Variants in EYS observed in about 807,000 individuals in gnomAD.
EYS encodes EGF-like photoreceptor maintenance factor, also known as protein eyes shut homolog.
A neutral mutation model predicts 282.1 loss-of-function variants in EYS; 250 were observed. That is an observed-to-expected ratio of 0.89 (90% CI 0.80 to 0.98). The LOEUF (loss-of-function observed/expected upper bound fraction) is 0.98. Among genes scored for constraint, EYS ranks in the 50% least tolerant of loss-of-function variants. The probability of loss-of-function intolerance (pLI) is 0.00; values close to 1 mark genes in which losing one functional copy is unlikely to be tolerated. For synonymous variants in EYS, 1,355 were observed against 1,282.9 expected (o/e 1.06, Z -1.20); for missense variants, 4,016 against 3,709.0 (o/e 1.08, Z -2.15).
chr6:64,548,620 T>A (rs1051638978), intron 26 of EYS, among the ~76,000 whole-genome samples: 72 of 151,976 alleles, frequency 4.7e-4, no homozygotes, highest in African/African-American at 1.6e-3. Context: ...TAGGTGGGAA[T>A]TGAACAATGA....
At chr6:65,046,226 A>C (rs1046003595) in intron 13 of EYS, among the ~76,000 whole-genome samples, 2 of 151,894 alleles carry the variant, frequency 1.3e-5, no homozygotes, top group African/African-American at 4.8e-5. Context: ...TTGAAGACTG[A>C]TGTCAAGAAA....
chr6:64,826,444 C>T (rs1280785133), intron 19 of EYS, among the ~76,000 whole-genome samples: 2 of 151,558 alleles, frequency 1.3e-5, no homozygotes, highest in African/African-American at 4.8e-5. Flanking sequence ...TGGAAGGTTA[C>T]CTGTGATATT....
chr6:64,284,713 T>C (rs1768433752), intron 30 of EYS, among the ~76,000 whole-genome samples: 1 of 152,040 alleles, frequency 6.6e-6, no homozygotes, highest in Non-Finnish European at 1.5e-5. Context: ...TAGGCAGAGG[T>C]TCCCAAACCC....
chr6:64,100,796 G>C (rs1772799241), intron 31 of EYS, among the ~76,000 whole-genome samples: 1 of 152,110 alleles, frequency 6.6e-6, no homozygotes, highest in Non-Finnish European at 1.5e-5. Context: ...GGTAGGGGGT[G>C]GTTACTTACC....
chr6:63,721,899 A>G (rs1244235055), intron 42 of EYS, 102 bp from the exon 43 acceptor site: 3 of 1,034,106 alleles, frequency 2.9e-6, no homozygotes, highest in Non-Finnish European at 4.1e-6. Context: ...GTTATGGGGA[A>G]AAAAGTAACA....
intron 30 of EYS, among the ~76,000 whole-genome samples, chr6:64,261,855 C>G (rs1002135717): frequency 3.3e-5 from 5 of 151,566 alleles, no homozygotes; most frequent in African/African-American, 1.2e-4. Context: ...TTCCCAGGGT[C>G]AAGGGCTCCT....
intron 35 of EYS, among the ~76,000 whole-genome samples, chr6:63,966,610 G>A (rs899839341): frequency 2.0e-5 from 3 of 152,194 alleles, no homozygotes; most frequent in African/African-American, 7.2e-5. Flanking sequence ...ATACAGCAGA[G>A]GCTAAGCTGA....
chr6:65,636,728 T>C (rs918126475), intron 2 of EYS, among the ~76,000 whole-genome samples: 3 of 152,224 alleles, frequency 2.0e-5, no homozygotes, highest in Non-Finnish European at 4.4e-5. Flanking sequence ...TTATGTACTA[T>C]AATATACACT....
At chr6:64,654,437 C>T (rs1332150010) in intron 22 of EYS, among the ~76,000 whole-genome samples, 1 of 152,064 alleles carries the variant, frequency 6.6e-6, no homozygotes, top group East Asian at 1.9e-4. Flanking sequence ...TATGGTTAGT[C>T]TTATAATGGG....
At chr6:65,336,086 A>G (rs1380835612) in intron 10 of EYS, among the ~76,000 whole-genome samples, 1 of 151,704 alleles carries the variant, frequency 6.6e-6, no homozygotes, top group Non-Finnish European at 1.5e-5. Context: ...AAGTTTTCTC[A>G]GGCCTCCCAG....
chr6:64,572,269 C>T (rs1582907992), intron 26 of EYS, among the ~76,000 whole-genome samples: 2 of 152,164 alleles, frequency 1.3e-5, no homozygotes, highest in South Asian at 2.1e-4. Context: ...ATTGATGGAA[C>T]GTATCTCAAA....
intron 22 of EYS, among the ~76,000 whole-genome samples, chr6:64,757,355 G>A (rs1772975478): frequency 6.6e-6 from 1 of 152,030 alleles, no homozygotes; most frequent in Non-Finnish European, 1.5e-5. Flanking sequence ...AACTCTTAGT[G>A]CACTGCCTTG....
intron 33 of EYS, among the ~76,000 whole-genome samples, chr6:64,056,509 T>C (rs1453280226): frequency 6.6e-6 from 1 of 152,190 alleles, no homozygotes; most frequent in Non-Finnish European, 1.5e-5. Context: ...TCTAAGAGGC[T>C]ACACCAAACT....
intron 2 of EYS, among the ~76,000 whole-genome samples, chr6:65,622,064 T>C (rs906947981): frequency 6.6e-6 from 1 of 152,160 alleles, no homozygotes; most frequent in Non-Finnish European, 1.5e-5. Flanking sequence ...TAAATTTAAC[T>C]GAACAACTTT....
chr6:65,519,709 T>TATATATATATATATATATATATA (rs1554205853), intron 2 of EYS, among the ~76,000 whole-genome samples: 12 of 33,948 alleles, frequency 3.5e-4, no homozygotes, highest in South Asian at 1.8e-3. Flanking sequence ...TATATATATA[T>TATATATATATATATATATATATA]TTTTTTTTTT....
intron 26 of EYS, among the ~76,000 whole-genome samples, chr6:64,474,100 C>G (rs948616921): frequency 6.6e-6 from 1 of 152,060 alleles, no homozygotes; most frequent in African/African-American, 2.4e-5. Context: ...CTCCAGAGCC[C>G]GGTAAATATC....
Position 64,143,671 on chromosome 6 carries a change from G to C in EYS, c.6425-61669C>G, listed in dbSNP as rs867257938. On this transcript the variant is annotated intron_variant, in intron 31 of 42. Transcript: ENST00000503581. Reference sequence around the variant, plus strand: ...CTCCAGACCCTGTCCCCAGCTCCTGGGCATGGATGTTCTCGGCTTATCAGC... The same window carrying C: ...CTCCAGACCCTGTCCCCAGCTCCTGCGCATGGATGTTCTCGGCTTATCAGC... Among the ~76,000 whole-genome samples the C allele has an allele frequency of 3.3e-5, 5 of 152,252 alleles. No individual in the cohort carries two copies. In the Middle Eastern group the frequency reaches 0.01, roughly 311 times the overall value.
chr6:64,722,450 G>A (rs1771615680), intron 22 of EYS, among the ~76,000 whole-genome samples: 1 of 151,310 alleles, frequency 6.6e-6, no homozygotes, highest in African/African-American at 2.4e-5. Context: ...GAGGGATAAT[G>A]TGAAAACAAA....
At chr6:63,918,205 G>A (rs1015094365) in intron 35 of EYS, among the ~76,000 whole-genome samples, 1 of 152,116 alleles carries the variant, frequency 6.6e-6, no homozygotes, top group African/African-American at 2.4e-5. Context: ...GCCATCCTTT[G>A]TAATCTGATG....
Sources: gnomAD v4.1 joint callset for allele counts (sites outside exome capture counted in the v4.1 genomes callset) on GRCh38, gnomAD v4.1.1 for gene constraint, MANE v1.5 for transcripts, NCBI Gene and HGNC (gene_info 2026-07-23, HGNC 2026-07-21) for gene names.